Variants in ZNF69 observed in about 807,000 individuals in gnomAD.
ZNF69 encodes zinc finger protein 69.
Under a neutral mutation model 50.9 loss-of-function variants are expected in ZNF69, and 47 were observed. The observed-to-expected ratio is 0.92, with a 90% confidence interval of 0.73 to 1.18. The LOEUF is 1.18. ZNF69 is among the 50% of genes most tolerant of loss of function. The probability of loss-of-function intolerance (pLI) is 0.00; values close to 1 mark genes in which losing one functional copy is unlikely to be tolerated. For missense variants in ZNF69, 717 were observed against 675.1 expected (o/e 1.06, Z -0.69); for synonymous variants, 216 against 223.1 (o/e 0.97, Z 0.29).
At chr19:11,889,170 A>T (rs279185) in intron 1 of ZNF69, among the ~76,000 whole-genome samples, 49,527 of 151,838 alleles carry the variant, frequency 0.33, 9,073 homozygotes, top group African/African-American at 0.49. Context: ...CAAAAAACAG[A>T]CCTGTTTCTC....
the ZNF69 span, among the ~76,000 whole-genome samples, chr19:11,956,333 A>G: frequency 6.6e-6 from 1 of 152,196 alleles, no homozygotes. Context: ...GAGCAATTAC[A>G]TGGTAGCGTA....
the ZNF69 span, among the ~76,000 whole-genome samples, chr19:11,919,666 C>T: frequency 1.3e-5 from 2 of 152,056 alleles, no homozygotes; most frequent in Non-Finnish European, 2.9e-5. Context: ...TAGGAGATCA[C>T]ATACATTTAT....
the ZNF69 span, among the ~76,000 whole-genome samples, chr19:11,919,699 A>G: frequency 6.6e-6 from 1 of 152,154 alleles, no homozygotes; most frequent in East Asian, 1.9e-4. Context: ...TCACAATGGG[A>G]TGAGTAAGAA....
chr19:11,948,435 T>A, the ZNF69 span: 1 of 1,614,112 alleles, frequency 6.2e-7, no homozygotes, highest in South Asian at 1.1e-5. Flanking sequence ...TTGGCATAGG[T>A]AACTCATCTT....
At position 11,906,669 on chromosome 19, in the gene ZNF69, T is replaced by C. The variant is rs1304078671; in HGVS notation, c.*571T>C. 6.6e-6 allele frequency among the ~76,000 whole-genome samples: 1 copy of C among 152,200 alleles called. No individual in the cohort carries two copies. Among genetic ancestry groups the C allele is most frequent in the Non-Finnish European group, 1.5e-5 (1 of 68,034 alleles). ...AAGGACAACCACACCAAAACCCATC[T>C]GTACATCACCATCATCAAAGACCAA... On this transcript the variant is annotated 3_prime_UTR_variant, in exon 4 of 4. Coordinates refer to ENST00000429654, the MANE Select transcript of ZNF69 (RefSeq NM_001364730.1).
the ZNF69 span, chr19:11,979,950 C>A: frequency 0.89 from 1,112,759 of 1,246,454 alleles, 498,087 homozygotes; most frequent in African/African-American, 0.98. Flanking sequence ...TTTCAAATAC[C>A]TGAAAAATCT....
At chr19:11,978,113 C>T in the ZNF69 span, 12 of 1,608,860 alleles carry the variant, frequency 7.5e-6, no homozygotes, top group African/African-American at 1.5e-4. Context: ...TCACTTTTGA[C>T]AGGAGTCTCA....
At position 11,905,678 on chromosome 19, in the gene ZNF69, T is replaced by A; in HGVS notation, c.1281T>A (p.Ser427=). 2.5e-6 allele frequency: 4 copies of A among 1,614,024 alleles called. No homozygotes were observed. The highest frequency in any genetic ancestry group is 3.4e-6 in the Non-Finnish European group (4 of 1,179,990). ...ECKQCGKAFR[S]SSHLQLHGRT... is the part of the protein sequence containing the mutation. The stretch of plus-strand genomic sequence containing the variant: ...AGCAATGTGGGAAGGCCTTCAGATC[T>A]TCCTCACACCTTCAATTGCATGGTA... The change falls in exon 4 of 4, where the codon TCT becomes TCA. Residue 427 remains serine, a synonymous_variant. Transcript: ENST00000429654.
chr19:11,907,910 G>A (rs1026386930), downstream of ZNF69, among the ~76,000 whole-genome samples: 36 of 152,196 alleles, frequency 2.4e-4, no homozygotes, highest in Non-Finnish European at 5.0e-4. Flanking sequence ...CCATCAGTGT[G>A]CTGTATTCAG....
Position 11,904,801 on chromosome 19 carries a change from G to T in ZNF69, c.404G>T (p.Gly135Val). 6.2e-7 allele frequency: 1 copy of T among 1,613,952 alleles called. No homozygotes were observed. The highest frequency in any genetic ancestry group is 8.5e-7 in the Non-Finnish European group (1 of 1,179,930). ...SCDSFVCGEVGLGNSSFNMNI... is the reference protein window; with the variant it reads ...SCDSFVCGEVVLGNSSFNMNI... ...GACAGCTTTGTGTGTGGAGAAGTTGGCCTAGGTAACTCATCTTTTAATATG... is the reference window on the plus strand; with the variant it reads ...GACAGCTTTGTGTGTGGAGAAGTTGTCCTAGGTAACTCATCTTTTAATATG... Residue 135 changes from glycine to valine, a missense_variant, in exon 4 of 4, where the codon GGC becomes GTC. Physicochemically the swap from Gly to Val is moderately radical, Grantham distance 109. Transcript: ENST00000429654.
chr19:11,951,644 TGTA>T, the ZNF69 span, among the ~76,000 whole-genome samples: 2 of 152,198 alleles, frequency 1.3e-5, no homozygotes, highest in Non-Finnish European at 1.5e-5. Flanking sequence ...TGTAATATAC[TGTA>T]GTGGTAAATA....
the ZNF69 span, chr19:11,950,299 C>T: frequency 6.4e-7 from 1 of 1,566,748 alleles, no homozygotes; most frequent in Non-Finnish European, 8.7e-7. Context: ...TGGAAGGAAG[C>T]ACTATGAATG....
chr19:11,954,974 A>C, the ZNF69 span, among the ~76,000 whole-genome samples: 3 of 149,404 alleles, frequency 2.0e-5, no homozygotes, highest in East Asian at 3.9e-4. Flanking sequence ...CATTTGTCTT[A>C]TATAGAGTTT....
chr19:11,910,961 T>C (rs1972449474), downstream of ZNF69, among the ~76,000 whole-genome samples: 1 of 151,956 alleles, frequency 6.6e-6, no homozygotes, highest in Admixed American at 6.6e-5. Context: ...ACAAAGAACT[T>C]AAACAAATTT....
downstream of ZNF69, among the ~76,000 whole-genome samples, chr19:11,915,894 ACT>A (rs1972517660): frequency 6.6e-6 from 1 of 151,882 alleles, no homozygotes; most frequent in Non-Finnish European, 1.5e-5. Flanking sequence ...ACAGAGCGAG[ACT>A]CTGTCTCCAA....
downstream of ZNF69, among the ~76,000 whole-genome samples, chr19:11,909,810 G>A (rs996093869): frequency 2.0e-5 from 3 of 151,576 alleles, no homozygotes; most frequent in African/African-American, 4.9e-5. Context: ...AGTGTTGGAA[G>A]TTCTGGCCAG....
At chr19:11,955,396 CTTTT>C in the ZNF69 span, among the ~76,000 whole-genome samples, 1 of 132,234 alleles carries the variant, frequency 7.6e-6, no homozygotes, top group Non-Finnish European at 1.7e-5. Context: ...TTCTTTCTTT[CTTTT>C]TTTTTTTTTT....
At chr19:11,959,893 ACTCTT>A in the ZNF69 span, among the ~76,000 whole-genome samples, 2,744 of 151,710 alleles carry the variant, frequency 0.018, 34 homozygotes, top group Non-Finnish European at 0.028. Context: ...TTGCCCATCT[ACTCTT>A]AAGTAGAATC....
the ZNF69 span, among the ~76,000 whole-genome samples, chr19:11,935,590 AC>A: frequency 2.0e-3 from 307 of 151,910 alleles, 2 homozygotes; most frequent in African/African-American, 6.8e-3. Flanking sequence ...ACTTCTTCAT[AC>A]CTTTTGGATA....
Sources: allele counts gnomAD v4.1 joint callset (sites outside exome capture counted in the v4.1 genomes callset), GRCh38; gene constraint gnomAD v4.1.1; transcripts MANE v1.5; gene names NCBI Gene and HGNC (gene_info 2026-07-23, HGNC 2026-07-21).